PPARGC1A: variants seen among roughly 807,000 people sequenced by gnomAD.
PPARGC1A encodes the protein peroxisome proliferator-activated receptor gamma coactivator 1-alpha.
PPARGC1A carries 25 observed loss-of-function variants against 88.7 expected under a neutral mutation model. The observed-to-expected ratio is 0.28, with a 90% CI of 0.21 to 0.39. PPARGC1A has a LOEUF of 0.39. Ranked by LOEUF, PPARGC1A falls within the 10% of genes least tolerant of loss-of-function variation. The probability of loss-of-function intolerance (pLI) is 1.00; values close to 1 mark genes in which losing one functional copy is unlikely to be tolerated. For missense variants in PPARGC1A, 880 were observed against 968.7 expected, an observed-to-expected ratio of 0.91 and a Z score of 1.22; for synonymous variants, 363 against 355.6, an observed-to-expected ratio of 1.02 and a Z score of -0.24.
At chr4:24,271,655 G>C in the PPARGC1A span, among the ~76,000 whole-genome samples, 46 of 152,266 alleles carry the variant, frequency 3.0e-4, no homozygotes, top group Middle Eastern at 3.4e-3. Flanking sequence ...GGGATTACAG[G>C]CGTGAGCCGA....
the PPARGC1A span, among the ~76,000 whole-genome samples, chr4:24,325,495 A>T: frequency 1.3e-5 from 2 of 152,102 alleles, no homozygotes; most frequent in African/African-American, 4.8e-5. Context: ...CAAGTGTCAG[A>T]AATCTGACCA....
chr4:24,387,625 T>C, the PPARGC1A span, among the ~76,000 whole-genome samples: 1 of 151,498 alleles, frequency 6.6e-6, no homozygotes, highest in Non-Finnish European at 1.5e-5. Flanking sequence ...TAGGCCCAGC[T>C]ACACAGGAGG....
At chr4:23,905,150 A>G (rs530725664), upstream of PPARGC1A, among the ~76,000 whole-genome samples, 14 of 152,334 alleles carry the variant, frequency 9.2e-5, 1 homozygote, top group South Asian at 2.9e-3. Context: ...TCCCATTTTG[A>G]AATTCTGGCC....
chr4:23,851,559 TCAA>T (rs1035994958), intron 2 of PPARGC1A, among the ~76,000 whole-genome samples: 2 of 152,188 alleles, frequency 1.3e-5, no homozygotes, highest in African/African-American at 4.8e-5. Flanking sequence ...TGTCCAGGAT[TCAA>T]CAACTGACTT....
At chr4:23,849,131 G>A (rs1458609167) in intron 2 of PPARGC1A, among the ~76,000 whole-genome samples, 5 of 152,294 alleles carry the variant, frequency 3.3e-5, no homozygotes. Flanking sequence ...GCGACAGAGT[G>A]AGACTCCGTC....
chr4:23,822,587 T>C (rs552599816), intron 7 of PPARGC1A, among the ~76,000 whole-genome samples: 2 of 152,236 alleles, frequency 1.3e-5, no homozygotes, highest in South Asian at 2.1e-4. Flanking sequence ...TAGGTACAAT[T>C]AGTGTTTGTC....
chr4:24,309,317 G>A, the PPARGC1A span, among the ~76,000 whole-genome samples: 1 of 152,148 alleles, frequency 6.6e-6, no homozygotes, highest in South Asian at 2.1e-4. Context: ...AGTCAGTAAT[G>A]CAAAAGGGGT....
At chr4:24,312,708 T>G in the PPARGC1A span, among the ~76,000 whole-genome samples, 32 of 151,174 alleles carry the variant, frequency 2.1e-4, no homozygotes, top group African/African-American at 7.5e-4. Context: ...AACTAAGACC[T>G]AACAAGTGGT....
chr4:24,178,632 T>C, the PPARGC1A span, among the ~76,000 whole-genome samples: 1 of 152,210 alleles, frequency 6.6e-6, no homozygotes, highest in Non-Finnish European at 1.5e-5. Context: ...TAATGCACAA[T>C]CTAAAATGAC....
At chr4:24,351,132 G>A in the PPARGC1A span, among the ~76,000 whole-genome samples, 1 of 152,076 alleles carries the variant, frequency 6.6e-6, no homozygotes, top group Non-Finnish European at 1.5e-5. Context: ...TTGCGAGGCT[G>A]AGGTGGGAGA....
At chr4:24,186,725 G>A in the PPARGC1A span, among the ~76,000 whole-genome samples, 2 of 152,090 alleles carry the variant, frequency 1.3e-5, no homozygotes, top group East Asian at 1.9e-4. Flanking sequence ...CTTTTCTGGG[G>A]CACGATGGCT....
chr4:23,888,841 C>T (rs564764129), intron 1 of PPARGC1A: 7 of 705,352 alleles, frequency 9.9e-6, no homozygotes, highest in Non-Finnish European at 1.2e-5. Flanking sequence ...CCTTACCCTA[C>T]GTGCCCCCAG....
the PPARGC1A span, among the ~76,000 whole-genome samples, chr4:24,196,151 C>A: frequency 1.3e-5 from 2 of 152,166 alleles, no homozygotes; most frequent in African/African-American, 4.8e-5. Context: ...CTCATCCTGA[C>A]GGATGGTGTA....
At chr4:24,134,817 A>G in the PPARGC1A span, among the ~76,000 whole-genome samples, 1 of 152,224 alleles carries the variant, frequency 6.6e-6, no homozygotes, top group Non-Finnish European at 1.5e-5. Context: ...TCTTAAGAGC[A>G]TGCTACACTT....
At chr4:23,939,836 C>T in the PPARGC1A span, among the ~76,000 whole-genome samples, 1 of 152,104 alleles carries the variant, frequency 6.6e-6, no homozygotes, top group African/African-American at 2.4e-5. Flanking sequence ...AAGGACATAA[C>T]CAGTAAGAAA....
chr4:24,365,166 AAG>A, the PPARGC1A span, among the ~76,000 whole-genome samples: 1 of 152,102 alleles, frequency 6.6e-6, no homozygotes, highest in Non-Finnish European at 1.5e-5. Context: ...AAAAAAAAAA[AAG>A]AAAAATTAAT....
At position 23,795,631 on chromosome 4, in the gene PPARGC1A, G is replaced by T; in HGVS notation, c.*191C>A. 1 of 536,530 alleles carries T rather than the reference G, an allele frequency of 1.9e-6. No homozygotes were observed. The allele number at this position is 536,530 out of a possible 1,614,324, so 33.2% of individuals were successfully genotyped here. On this transcript the variant is annotated 3_prime_UTR_variant, in exon 13 of 13. Transcript: ENST00000264867. ...TCTGTCTCTTGCCTCTTCAGCAGCTGTGTTCATGTAAACCATTGTTGTTAT... is the reference window on the plus strand; with the variant it reads ...TCTGTCTCTTGCCTCTTCAGCAGCTTTGTTCATGTAAACCATTGTTGTTAT...
the PPARGC1A span, among the ~76,000 whole-genome samples, chr4:24,019,726 CAAATT>C: frequency 6.6e-6 from 1 of 152,170 alleles, no homozygotes; most frequent in Non-Finnish European, 1.5e-5. Context: ...ACCTGGGACT[CAAATT>C]GAACATAAAA....
the PPARGC1A span, among the ~76,000 whole-genome samples, chr4:23,976,510 C>A: frequency 2.6e-5 from 4 of 152,204 alleles, no homozygotes; most frequent in African/African-American, 9.7e-5. Flanking sequence ...ACCTTTCCAG[C>A]AGCTGTTTTG....
Sources: allele counts gnomAD v4.1 joint callset (sites outside exome capture counted in the v4.1 genomes callset), GRCh38; gene constraint gnomAD v4.1.1; transcripts MANE v1.5; gene names NCBI Gene and HGNC (gene_info 2026-07-23, HGNC 2026-07-21).